Variants in DAO observed in about 807,000 individuals in gnomAD.
The protein encoded by DAO is D-amino-acid oxidase.
DAO carries 51 observed loss-of-function variants against 50.1 expected under a neutral mutation model. That is an observed-to-expected ratio of 1.02 (90% confidence interval 0.81 to 1.29). DAO has a LOEUF of 1.29. DAO is among the 50% of genes most tolerant of loss of function. The probability of loss-of-function intolerance (pLI) is 0.00; values close to 1 mark genes in which losing one functional copy is unlikely to be tolerated. For missense variants in DAO, 436 were observed against 439.4 expected (o/e 0.99, Z 0.07); for synonymous variants, 160 against 166.2 (o/e 0.96, Z 0.29).
At chr12:108,884,963 T>C (rs1447534862) in intron 1 of DAO, 35 bp from the exon 2 acceptor site, 1 of 1,587,102 alleles carries the variant, frequency 6.3e-7, no homozygotes, top group African/African-American at 1.3e-5. Flanking sequence ...GAGATGATGG[T>C]GATGATGTTG....
At chr12:108,895,758 G>A (rs1353143360) in intron 7 of DAO, among the ~76,000 whole-genome samples, 5 of 148,866 alleles carry the variant, frequency 3.4e-5, no homozygotes, top group Non-Finnish European at 7.5e-5. Flanking sequence ...TGTGTGTGAG[G>A]GTGTGTGTCT....
intron 6 of DAO, 99 bp downstream of exon 6, chr12:108,893,135 G>T: frequency 9.5e-7 from 1 of 1,055,438 alleles, no homozygotes; most frequent in Non-Finnish European, 1.4e-6. Flanking sequence ...GGCTCCTAGG[G>T]TCCCCACAGG....
In DAO at chr12:108,885,079, T is replaced by G; in HGVS notation, c.73T>G (p.Ser25Ala). 6.2e-7 allele frequency: 1 copy of G among 1,614,170 alleles called. No homozygotes were observed. The highest frequency in any genetic ancestry group is 8.5e-7 in the Non-Finnish European group (1 of 1,180,022). The change falls in exon 2 of 11, where the codon TCA becomes GCA. Residue 25 changes from serine to alanine, a missense_variant. Coordinates refer to ENST00000228476, the MANE Select transcript of DAO (RefSeq NM_001917.5). ...TALCIHERYHSVLQPLDIKVY... is the reference protein window; with the variant it reads ...TALCIHERYHAVLQPLDIKVY... ...CCTCTGCATCCATGAGCGCTACCAC[T>G]CAGTCCTGCAGCCACTGGACATAAA... is the stretch of plus-strand genomic sequence containing the variant.
At chr12:108,891,263 A>G (rs1281580499) in intron 5 of DAO, among the ~76,000 whole-genome samples, 2 of 152,122 alleles carry the variant, frequency 1.3e-5, no homozygotes, top group Non-Finnish European at 2.9e-5. Flanking sequence ...AGCCTGGGCA[A>G]CATGGCAAAA....
intron 8 of DAO, 171 bp from the exon 9 acceptor site, chr12:108,898,508 A>T: frequency 1.4e-6 from 1 of 703,240 alleles, no homozygotes; most frequent in South Asian, 1.5e-5. Flanking sequence ...GACAACATTG[A>T]TGGAAGTGGT....
chr12:108,894,905 AG>A (rs2039530791), intron 7 of DAO, among the ~76,000 whole-genome samples: 1 of 152,096 alleles, frequency 6.6e-6, no homozygotes, highest in East Asian at 1.9e-4. Flanking sequence ...TTGTAGAGAA[AG>A]GATTTCACCA....
In DAO at chr12:108,892,916, C is replaced by T. The variant is rs544507808; in HGVS notation, c.453-66C>T. Reference sequence around the variant, plus strand: ...GGTTGTTTGGGAAAGGTCCCTGTGCCACCCTCTTGGTGGGATGGGGCAGAT... The same window carrying T: ...GGTTGTTTGGGAAAGGTCCCTGTGCTACCCTCTTGGTGGGATGGGGCAGAT... On this transcript the variant is annotated intron_variant, in intron 5 of 10. Transcript: ENST00000228476. The T allele has an allele frequency of 2.0e-6, 3 of 1,469,992 alleles. No homozygotes were observed. In the South Asian group the frequency reaches 3.4e-5, roughly 17 times the overall value. 91.1% of individuals were successfully genotyped at this position (1,469,992 alleles called of 1,614,324 possible).
intron 9 of DAO, 63 bp downstream of exon 9, chr12:108,898,859 C>T: frequency 9.3e-7 from 1 of 1,072,830 alleles, no homozygotes; most frequent in South Asian, 1.3e-5. Flanking sequence ...AATGAGGACA[C>T]TTCAGGACGG....
chr12:108,894,304 G>GGTAT lies in DAO; in HGVS notation c.551_554dup (p.Trp185CysfsTer35). The GGTAT allele has an allele frequency of 1.2e-6, 2 of 1,614,004 alleles. No individual in the cohort carries two copies. Among genetic ancestry groups the GGTAT allele is most frequent in the Non-Finnish European group, 1.7e-6 (2 of 1,179,984 alleles). On this transcript the variant is annotated frameshift_variant, in exon 7 of 11. Coordinates refer to ENST00000228476, the MANE Select transcript of DAO (RefSeq NM_001917.5). LOFTEE classifies it high-confidence loss of function. ...CAGACGTGATTGTCAACTGCACTGG[G>GGTAT]GTATGGGCTGGGGCGCTACAACGAG...
At chr12:108,884,393 C>G (rs2070588) in intron 1 of DAO, among the ~76,000 whole-genome samples, 55,953 of 152,046 alleles carry the variant, frequency 0.37, 11,874 homozygotes, top group African/African-American at 0.54. Context: ...TACCTCATGA[C>G]AGTGTTGGGA....
At chr12:108,895,691 T>C (rs1338505789) in intron 7 of DAO, among the ~76,000 whole-genome samples, 1 of 147,400 alleles carries the variant, frequency 6.8e-6, no homozygotes, top group East Asian at 2.1e-4. Context: ...AGGGTGTGTG[T>C]GCATGCATGT....
rs2039424408 is a variant in DAO at position 108,885,293 on chromosome 12, G to A, written c.194+93G>A. On this transcript the variant is annotated intron_variant, in intron 2 of 10. Coordinates refer to ENST00000228476, the MANE Select transcript of DAO (RefSeq NM_001917.5). ...TCCCATCACCAAGAGCAAGCCCCTTGTGGAAGCTCTGATCTAGCATAAAAT... is the reference window on the plus strand; with the variant it reads ...TCCCATCACCAAGAGCAAGCCCCTTATGGAAGCTCTGATCTAGCATAAAAT... The A allele has an allele frequency of 3.2e-6, 4 of 1,238,728 alleles. No individual in the cohort carries two copies. The South Asian group carries it at 4.8e-5, about 15-fold the overall frequency. The allele number at this position is 1,238,728 out of a possible 1,614,324, so 76.7% of individuals were successfully genotyped here. A position where few individuals can be genotyped will look rare whatever the true frequency, so the allele number is the denominator to read the frequency against.
In DAO at chr12:108,899,409, C is replaced by T; in HGVS notation, c.846C>T (p.Phe282=). Residue 282 remains phenylalanine (F), a synonymous_variant, in exon 10 of 11, where the codon TTC becomes TTT. Coordinates refer to ENST00000228476, the MANE Select transcript of DAO (RefSeq NM_001917.5). The part of the protein sequence containing the change: ...NARIIGERTG[F]RPVRPQIRLE... ...GAATTATTGGTGAACGAACTGGCTT[C>T]CGGCCAGTACGCCCCCAGATTCGGC... 6.2e-7 allele frequency: 1 copy of T among 1,613,808 alleles called. No individual in the cohort carries two copies. The highest frequency in any genetic ancestry group is 8.5e-7 in the Non-Finnish European group (1 of 1,179,896).
intron 10 of DAO, chr12:108,900,181 A>G (rs1218794452): frequency 1.9e-6 from 1 of 527,478 alleles, no homozygotes; most frequent in Admixed American, 3.0e-5. Flanking sequence ...ATTTGACTCC[A>G]AGGCTATTTC....
chr12:108,885,743 T>C (rs1201112650), intron 2 of DAO, among the ~76,000 whole-genome samples: 3 of 152,166 alleles, frequency 2.0e-5, no homozygotes, highest in African/African-American at 7.2e-5. Context: ...CTTCCTCTGT[T>C]TTAATTTATA....
intron 2 of DAO, among the ~76,000 whole-genome samples, chr12:108,887,011 G>A (rs2039442748): frequency 6.6e-6 from 1 of 152,194 alleles, no homozygotes; most frequent in African/African-American, 2.4e-5. Flanking sequence ...AGAGGGTCTA[G>A]GAAATGTAGG....
Position 108,889,551 on chromosome 12 carries a change from T to C in DAO, c.386+6T>C. The C allele has an allele frequency of 1.2e-6, 2 of 1,609,934 alleles. No homozygotes were observed. Among genetic ancestry groups the C allele is most frequent in the Non-Finnish European group, 1.7e-6 (2 of 1,177,182 alleles). On this transcript the variant is annotated splice_donor_region_variant and intron_variant, in intron 4 of 10. Coordinates refer to ENST00000228476, the MANE Select transcript of DAO (RefSeq NM_001917.5). ...GATATGTTCCCAGATTACGGGTGAG[T>C]TTATTGTCACAGGCAAAGGGGACTG...
chr12:108,892,991 G>A lies in DAO; in HGVS notation c.462G>A (p.Glu154=), dbSNP rs1026043119. The stretch of plus-strand genomic sequence containing the variant: ...TGTTTGATCATCCCAGGTTAACTGA[G>A]AGGGGAGTGAAGTTCTTCCAGCGGA... ...YLQWLTERLT[E]RGVKFFQRKV... Residue 154 remains glutamate, a synonymous_variant, in exon 6 of 11, where the codon GAG becomes GAA. Transcript: ENST00000228476. The A allele has an allele frequency of 2.5e-6, 4 of 1,614,148 alleles. No homozygotes were observed. The highest frequency in any genetic ancestry group is 3.4e-6 in the Non-Finnish European group (4 of 1,179,988).
intron 1 of DAO, among the ~76,000 whole-genome samples, chr12:108,880,750 G>C (rs2039368525): frequency 6.6e-6 from 1 of 151,430 alleles, no homozygotes; most frequent in Non-Finnish European, 1.5e-5. Flanking sequence ...CATATTCTTT[G>C]CTATGGGCAC....
Sources: allele counts gnomAD v4.1 joint callset (sites outside exome capture counted in the v4.1 genomes callset), GRCh38; gene constraint gnomAD v4.1.1; transcripts MANE v1.5; gene names NCBI Gene and HGNC (gene_info 2026-07-23, HGNC 2026-07-21).